Variants in NRXN3 observed in about 807,000 individuals in gnomAD.
NRXN3 encodes the protein neurexin III.
In NRXN3, 32 loss-of-function variants were observed where a neutral mutation model predicts 137.6. The ratio of observed to expected loss-of-function variants is 0.23; its 90% CI spans 0.18 to 0.31. The LOEUF is 0.31. Ranked by LOEUF, NRXN3 falls within the 10% of genes least tolerant of loss-of-function variation. The pLI, the probability that NRXN3 is intolerant of heterozygous loss-of-function variation, is 1.00. For synonymous variants in NRXN3, 798 were observed against 784.5 expected (o/e 1.02, Z -0.29); for missense variants, 1,574 against 2,062.5 (o/e 0.76, Z 4.59).
intron 16 of NRXN3, among the ~76,000 whole-genome samples, chr14:79,641,660 G>T (rs60570231): frequency 0.082 from 11,118 of 134,818 alleles, 1,893 homozygotes; most frequent in African/African-American, 0.26. Context: ...TCAAACTGAA[G>T]GGACAGTGTC....
At chr14:78,264,935 T>A (rs928544217) in intron 2 of NRXN3, among the ~76,000 whole-genome samples, 2 of 152,160 alleles carry the variant, frequency 1.3e-5, no homozygotes, top group African/African-American at 4.8e-5. Flanking sequence ...AAGACCCCAC[T>A]GTGTGATAGT....
chr14:79,337,673 G>T (rs919557471), intron 15 of NRXN3, among the ~76,000 whole-genome samples: 2 of 152,076 alleles, frequency 1.3e-5, no homozygotes, highest in African/African-American at 2.4e-5. Flanking sequence ...TTGGAATCTG[G>T]TGCAATATTG....
intron 15 of NRXN3, among the ~76,000 whole-genome samples, chr14:79,090,344 C>T (rs2048926841): frequency 6.6e-6 from 1 of 152,116 alleles, no homozygotes; most frequent in Admixed American, 6.6e-5. Context: ...GGAAATTCTT[C>T]CTTTCCCTTT....
At chr14:78,690,644 A>G (rs748582355) in intron 6 of NRXN3, among the ~76,000 whole-genome samples, 4 of 152,214 alleles carry the variant, frequency 2.6e-5, no homozygotes, top group Non-Finnish European at 4.4e-5. Context: ...GAATATAAAA[A>G]AGATTGGATA....
intron 10 of NRXN3, among the ~76,000 whole-genome samples, chr14:78,845,966 T>A (rs1452447392): frequency 6.6e-6 from 1 of 151,630 alleles, no homozygotes; most frequent in Non-Finnish European, 1.5e-5. Context: ...TTTTACTTTT[T>A]ACTCAGCCAA....
At chr14:79,473,368 G>A (rs963514938) in intron 16 of NRXN3, among the ~76,000 whole-genome samples, 2 of 152,116 alleles carry the variant, frequency 1.3e-5, no homozygotes, top group Non-Finnish European at 2.9e-5. Context: ...AAGTAAAGCT[G>A]AATGATGATG....
chr14:78,457,450 T>C (rs1440106075), intron 4 of NRXN3, among the ~76,000 whole-genome samples: 8 of 152,012 alleles, frequency 5.3e-5, no homozygotes, highest in Admixed American at 5.2e-4. Context: ...AGGGTGACAG[T>C]GAGATAGTAA....
chr14:79,582,525 A>C (rs2097726195), intron 16 of NRXN3, among the ~76,000 whole-genome samples: 1 of 151,746 alleles, frequency 6.6e-6, no homozygotes, highest in South Asian at 2.1e-4. Context: ...GGTTGAAGTG[A>C]TTCTCCTACC....
In NRXN3 at chr14:79,867,213, GA is replaced by G. The variant is rs1368176277; in HGVS notation, c.*5251del. 6.6e-6 allele frequency: 1 copy of G among 152,138 alleles called. No homozygotes were observed. Among genetic ancestry groups the G allele is most frequent in the African/African-American group, 2.4e-5 (1 of 41,416 alleles). 9.4% of individuals were successfully genotyped at this position (152,138 alleles called of 1,614,324 possible). Reference sequence around the variant, plus strand: ...GCTCTTTCATAAACCTGTCTCTAGAGAAGCAAGTCATTTTCTACTTTTTCCA... The same window carrying G: ...GCTCTTTCATAAACCTGTCTCTAGAGAGCAAGTCATTTTCTACTTTTTCCA... On this transcript the variant is annotated 3_prime_UTR_variant, in exon 21 of 21. Coordinates refer to ENST00000335750, the MANE Select transcript of NRXN3 (RefSeq NM_001330195.2).
intron 19 of NRXN3, among the ~76,000 whole-genome samples, chr14:79,745,320 G>A (rs1299280067): frequency 6.6e-6 from 1 of 152,096 alleles, no homozygotes; most frequent in African/African-American, 2.4e-5. Flanking sequence ...ACAACATTCA[G>A]TGAACAATAA....
intron 2 of NRXN3, among the ~76,000 whole-genome samples, chr14:78,275,282 T>G (rs2073410905): frequency 6.6e-6 from 1 of 152,216 alleles, no homozygotes; most frequent in Non-Finnish European, 1.5e-5. Flanking sequence ...TGCTTGTATC[T>G]CCAATGTTTA....
At chr14:78,864,580 T>C (rs1347563670) in intron 10 of NRXN3, among the ~76,000 whole-genome samples, 1 of 152,202 alleles carries the variant, frequency 6.6e-6, no homozygotes, top group Non-Finnish European at 1.5e-5. Flanking sequence ...ATAAAAGATT[T>C]ATTTTCCCAC....
At chr14:78,616,268 T>G (rs1223452800) in intron 4 of NRXN3, among the ~76,000 whole-genome samples, 1 of 152,226 alleles carries the variant, frequency 6.6e-6, no homozygotes, top group Non-Finnish European at 1.5e-5. Flanking sequence ...CTTGGCCACC[T>G]CTGCAACTTC....
chr14:79,393,697 C>G (rs941186532), intron 15 of NRXN3, among the ~76,000 whole-genome samples: 1 of 152,102 alleles, frequency 6.6e-6, no homozygotes, highest in South Asian at 2.1e-4. Flanking sequence ...CGCCTATAGT[C>G]CCAGCTACTC....
chr14:79,555,358 A>C (rs1167583677), intron 16 of NRXN3, among the ~76,000 whole-genome samples: 1 of 152,134 alleles, frequency 6.6e-6, no homozygotes, highest in Admixed American at 6.6e-5. Context: ...TATATACACT[A>C]CTTGGTGTTT....
chr14:79,831,027 C>T (rs1024543770), intron 20 of NRXN3, among the ~76,000 whole-genome samples: 2 of 151,904 alleles, frequency 1.3e-5, no homozygotes, highest in Non-Finnish European at 2.9e-5. Context: ...ATTTCAGGAA[C>T]GTGTTGACAT....
At chr14:79,735,476 T>A (rs78919420) in intron 19 of NRXN3, among the ~76,000 whole-genome samples, 7,614 of 152,272 alleles carry the variant, frequency 0.05, 214 homozygotes, top group Non-Finnish European at 0.057. Flanking sequence ...TTGAACTTGA[T>A]GAAAAAGGAA....
At chr14:79,478,886 C>G (rs1490346361) in intron 16 of NRXN3, among the ~76,000 whole-genome samples, 1 of 151,950 alleles carries the variant, frequency 6.6e-6, no homozygotes, top group Non-Finnish European at 1.5e-5. Flanking sequence ...ACTGCTGGAC[C>G]CTGTAAGCTG....
intron 3 of NRXN3, among the ~76,000 whole-genome samples, chr14:78,289,585 G>T (rs1435806838): frequency 2.0e-5 from 3 of 147,016 alleles, no homozygotes; most frequent in African/African-American, 4.9e-5. Context: ...AAATGTGCTT[G>T]TTTTTTTTTT....
Sources: allele counts gnomAD v4.1 joint callset (sites outside exome capture counted in the v4.1 genomes callset), GRCh38; gene constraint gnomAD v4.1.1; transcripts MANE v1.5; gene names NCBI Gene and HGNC (gene_info 2026-07-23, HGNC 2026-07-21).